Variants in STAG1 observed in about 807,000 individuals in gnomAD.
STAG1 encodes STAG1 cohesin complex component, also known as cohesin subunit SA-1.
A neutral mutation model predicts 170.9 loss-of-function variants in STAG1; 26 were observed. The observed-to-expected ratio is 0.15, with a 90% CI of 0.11 to 0.21. The LOEUF is 0.21. STAG1 is among the 10% of genes least tolerant of loss of function. The pLI, the probability that STAG1 is intolerant of heterozygous loss-of-function variation, is 1.00. For missense variants in STAG1, 964 were observed against 1,509.5 expected, an observed-to-expected ratio of 0.64 and a Z score of 5.99; for synonymous variants, 514 against 497.7, an observed-to-expected ratio of 1.03 and a Z score of -0.44.
At chr3:136,464,412 A>G (rs1489609932) in intron 13 of STAG1, among the ~76,000 whole-genome samples, 2 of 150,594 alleles carry the variant, frequency 1.3e-5, no homozygotes, top group African/African-American at 2.4e-5. Context: ...AACAAGAGCG[A>G]AACTCCGTCT....
intron 11 of STAG1, among the ~76,000 whole-genome samples, 180 bp from the exon 12 acceptor site, chr3:136,472,672 T>C (rs1483481452): frequency 6.6e-6 from 1 of 152,212 alleles, no homozygotes; most frequent in Admixed American, 6.5e-5. Flanking sequence ...GTATAAATGT[T>C]TGTAATTTAA....
intron 1 of STAG1, among the ~76,000 whole-genome samples, chr3:136,668,037 C>T (rs562419629): frequency 3.6e-4 from 55 of 151,650 alleles, no homozygotes; most frequent in African/African-American, 1.1e-3. Context: ...CCAATTGGTT[C>T]TCTTTAGTAG....
At chr3:136,470,412 A>T (rs1027124988) in intron 12 of STAG1, among the ~76,000 whole-genome samples, 2 of 152,236 alleles carry the variant, frequency 1.3e-5, no homozygotes, top group Non-Finnish European at 2.9e-5. Flanking sequence ...CCATCAGAGA[A>T]ATGCAAATCA....
intron 1 of STAG1, among the ~76,000 whole-genome samples, chr3:136,748,887 A>G (rs1486712066): frequency 6.6e-6 from 1 of 152,152 alleles, no homozygotes; most frequent in Non-Finnish European, 1.5e-5. Flanking sequence ...CATGTAAACT[A>G]AGGTACCAGG....
intron 1 of STAG1, among the ~76,000 whole-genome samples, chr3:136,684,080 TA>T (rs1267002326): frequency 6.6e-6 from 1 of 152,216 alleles, no homozygotes; most frequent in Admixed American, 6.5e-5. Flanking sequence ...GAAAACTCAG[TA>T]TTATCAAGAT....
At chr3:136,660,843 C>T in intron 1 of STAG1, among the ~76,000 whole-genome samples, 1 of 152,046 alleles carries the variant, frequency 6.6e-6, no homozygotes, top group East Asian at 1.9e-4. Context: ...GTGGTACACG[C>T]CTGTAGTCCC....
At chr3:136,744,242 G>A (rs144389577) in intron 1 of STAG1, among the ~76,000 whole-genome samples, 94 of 152,322 alleles carry the variant, frequency 6.2e-4, no homozygotes, top group African/African-American at 2.2e-3. Context: ...CCGGAGAATT[G>A]CTTGAACTGG....
intron 21 of STAG1, among the ~76,000 whole-genome samples, chr3:136,399,198 T>C (rs1275157586): frequency 6.6e-6 from 1 of 152,228 alleles, no homozygotes; most frequent in Non-Finnish European, 1.5e-5. Flanking sequence ...CCACATTTTA[T>C]AAGAAAATTT....
chr3:136,696,402 A>G (rs1044468945), intron 1 of STAG1, among the ~76,000 whole-genome samples: 1 of 152,174 alleles, frequency 6.6e-6, no homozygotes, highest in South Asian at 2.1e-4. Flanking sequence ...AATGATTTTC[A>G]TAAGAGCATG....
At chr3:136,457,179 G>A (rs1576484160) in intron 13 of STAG1, among the ~76,000 whole-genome samples, 1 of 152,066 alleles carries the variant, frequency 6.6e-6, no homozygotes, top group Admixed American at 6.6e-5. Context: ...GTGGAAGGCT[G>A]CCCTGCCGCA....
At chr3:136,741,551 C>T (rs889170464) in intron 1 of STAG1, among the ~76,000 whole-genome samples, 1 of 152,186 alleles carries the variant, frequency 6.6e-6, no homozygotes, top group African/African-American at 2.4e-5. Flanking sequence ...TCACCACAAC[C>T]TCCACCTCCC....
chr3:136,645,568 AC>A (rs1377419782), intron 1 of STAG1, among the ~76,000 whole-genome samples: 2 of 152,248 alleles, frequency 1.3e-5, no homozygotes, highest in South Asian at 2.1e-4. Flanking sequence ...TAGAAAATTT[AC>A]TGTCCATGCT....
intron 5 of STAG1, among the ~76,000 whole-genome samples, chr3:136,555,396 A>T (rs986020985): frequency 6.6e-6 from 1 of 151,388 alleles, no homozygotes; most frequent in African/African-American, 2.4e-5. Context: ...TTAAAAAGTG[A>T]ATCACGACTG....
At chr3:136,618,369 T>C (rs964684041) in intron 3 of STAG1, among the ~76,000 whole-genome samples, 3 of 152,238 alleles carry the variant, frequency 2.0e-5, no homozygotes, top group Admixed American at 1.3e-4. Flanking sequence ...TGTCCAAGTG[T>C]GCACTCACCA....
intron 1 of STAG1, among the ~76,000 whole-genome samples, chr3:136,728,923 T>C (rs1342736270): frequency 6.6e-6 from 1 of 152,208 alleles, no homozygotes; most frequent in African/African-American, 2.4e-5. Flanking sequence ...AGGTTTCATT[T>C]CTATTTAACA....
At chr3:136,715,766 GT>G (rs1272811338) in intron 1 of STAG1, among the ~76,000 whole-genome samples, 47 of 146,772 alleles carry the variant, frequency 3.2e-4, no homozygotes, top group Middle Eastern at 3.5e-3. Flanking sequence ...AACTACTGTA[GT>G]TTTTTTTTTT....
chr3:136,740,336 C>T (rs578057886), intron 1 of STAG1, among the ~76,000 whole-genome samples: 32 of 152,318 alleles, frequency 2.1e-4, no homozygotes, highest in African/African-American at 7.5e-4. Context: ...TAATATGTCC[C>T]TCCCTAATTA....
chr3:136,501,147 C>T (rs753554251), intron 8 of STAG1, among the ~76,000 whole-genome samples: 2 of 152,134 alleles, frequency 1.3e-5, no homozygotes, highest in Non-Finnish European at 2.9e-5. Context: ...GCAACTTCCT[C>T]CAAGTGTTAA....
chr3:136,418,425 T>C (rs890137861), intron 20 of STAG1, among the ~76,000 whole-genome samples: 26 of 107,216 alleles, frequency 2.4e-4, no homozygotes, highest in Non-Finnish European at 7.7e-5. Flanking sequence ...CCTTGCAGAA[T>C]TGAAAAAGAT....
Sources: allele counts gnomAD v4.1 joint callset (sites outside exome capture counted in the v4.1 genomes callset), GRCh38; gene constraint gnomAD v4.1.1; transcripts MANE v1.5; gene names NCBI Gene and HGNC (gene_info 2026-07-23, HGNC 2026-07-21).